CASZ1: variants seen among roughly 807,000 people sequenced by gnomAD.
CASZ1 encodes the protein castor zinc finger 1.
CASZ1 carries 28 observed loss-of-function variants against 135.2 expected under a neutral mutation model. The observed-to-expected ratio is 0.21, with a 90% confidence interval of 0.15 to 0.28. The LOEUF (loss-of-function observed/expected upper bound fraction) is 0.28, where lower values mean the gene tolerates loss of function less well. Among genes scored for constraint, CASZ1 ranks in the 10% least tolerant of loss-of-function variants. The pLI, the probability that CASZ1 is intolerant of heterozygous loss-of-function variation, is 1.00. For synonymous variants in CASZ1, 1,068 were observed against 1,073.4 expected (o/e 0.99, Z 0.10); for missense variants, 2,161 against 2,453.3 (o/e 0.88, Z 2.52).
Position 10,747,633 on chromosome 1 carries a change from C to A in CASZ1, c.-77+13068G>T, listed in dbSNP as rs79331519. Among the ~76,000 whole-genome samples the A allele has an allele frequency of 0.013, 2,025 of 152,214 alleles. 42 individuals are homozygous for A. Among genetic ancestry groups the A allele is most frequent in the African/African-American group, 0.041 (1,715 of 41,526 alleles). Reference sequence around the variant, plus strand: ...TGTGCAAGAAACGGGAAAGAACCTGCCTTGTGACATCAAAGGCTGACATCA... The same window carrying A: ...TGTGCAAGAAACGGGAAAGAACCTGACTTGTGACATCAAAGGCTGACATCA... On this transcript the variant is annotated intron_variant, in intron 2 of 20. Transcript: ENST00000377022. The surrounding 1 kb of genome is among the most constrained non-coding windows in gnomAD (Gnocchi z 4.3).
At position 10,711,822 on chromosome 1, in the gene CASZ1, C is replaced by A. The variant is rs1304153651; in HGVS notation, c.-76-6278G>T. ...AATGTTGAACGAGAAAGGAGCCAGA[C>A]AGACACAATAGGCCACAAGTTGTAT... On this transcript the variant is annotated intron_variant, in intron 2 of 20. Transcript: ENST00000377022. The surrounding 1 kb of genome is among the most constrained non-coding windows in gnomAD (Gnocchi z 4.4). Among the ~76,000 whole-genome samples the A allele has an allele frequency of 1.3e-5, 2 of 152,092 alleles. No homozygotes were observed. Among genetic ancestry groups the A allele is most frequent in the Non-Finnish European group, 2.9e-5 (2 of 68,008 alleles).
intron 11 of CASZ1, chr1:10,651,572 G>C (rs1642586535): frequency 6.6e-6 from 1 of 152,570 alleles, no homozygotes; most frequent in African/African-American, 2.4e-5. Flanking sequence ...TGGCCAATCA[G>C]AGCGGCCACA....
At chr1:10,645,223 C>T (rs1348514019) in intron 17 of CASZ1, 135 bp from the exon 18 acceptor site, 2 of 775,794 alleles carry the variant, frequency 2.6e-6, no homozygotes, top group East Asian at 2.7e-5. Context: ...ATAGAAACAC[C>T]TTTCACATGT....
At chr1:10,784,015 C>G (rs982639634) in intron 1 of CASZ1, among the ~76,000 whole-genome samples, 1 of 152,176 alleles carries the variant, frequency 6.6e-6, no homozygotes, top group Non-Finnish European at 1.5e-5. Flanking sequence ...CCCAGCGAGG[C>G]GGCACTGCTG....
intron 4 of CASZ1, among the ~76,000 whole-genome samples, chr1:10,667,407 C>T (rs957588219): frequency 5.3e-5 from 8 of 152,198 alleles, no homozygotes; most frequent in African/African-American, 1.4e-4. Context: ...GACACTTGCC[C>T]AAGCCGATGC....
In CASZ1 at chr1:10,692,414, G is replaced by A. The variant is rs944462470; in HGVS notation, c.16+1460C>T. ...TGGGATGGGTGGGGGCCCCATTTCC[G>A]AAGAAAGGGGGTGGGGCCTGAGAGG... On this transcript the variant is annotated intron_variant, in intron 4 of 20. Transcript: ENST00000377022. Among the ~76,000 whole-genome samples the A allele has an allele frequency of 9.2e-5, 14 of 152,170 alleles. No homozygotes were observed. The East Asian group carries it at 2.1e-3, about 23-fold the overall frequency.
rs1472856938 is a variant in CASZ1, at chr1:10,776,218, TA to T, written c.-233-15362del. ...AGCGTCTTGTATCCAGGGGAAGAGC[TA>T]AAATTAACATAGAGCGAGCAGTGTT... On this transcript the variant is annotated intron_variant, in intron 1 of 20. Coordinates refer to ENST00000377022, the MANE Select transcript of CASZ1 (RefSeq NM_001079843.3). The surrounding 1 kb of genome is among the most constrained non-coding windows in gnomAD (Gnocchi z 4.1). Among the ~76,000 whole-genome samples, 2 of 152,228 alleles carry T rather than the reference TA, an allele frequency of 1.3e-5. No homozygotes were observed. The highest frequency in any genetic ancestry group is 2.9e-5 in the Non-Finnish European group (2 of 68,040).
chr1:10,762,831 C>T lies in CASZ1; in HGVS notation c.-233-1974G>A, dbSNP rs1640403514. Among the ~76,000 whole-genome samples the T allele has an allele frequency of 6.6e-6, 1 of 152,326 alleles. No individual in the cohort carries two copies. Among genetic ancestry groups the T allele is most frequent in the African/African-American group, 2.4e-5 (1 of 41,580 alleles). ...GCTGACCACAGGCCAACGGTGAACACTCTCGGTGTTTCATGTCCTTGGCTC... is the reference window on the plus strand; with the variant it reads ...GCTGACCACAGGCCAACGGTGAACATTCTCGGTGTTTCATGTCCTTGGCTC... On this transcript the variant is annotated intron_variant, in intron 1 of 20. Transcript: ENST00000377022. The surrounding 1 kb of genome is among the most constrained non-coding windows in gnomAD (Gnocchi z 4.1).
Position 10,755,986 on chromosome 1 carries a change from A to T in CASZ1, c.-77+4715T>A, listed in dbSNP as rs2100565987. Among the ~76,000 whole-genome samples, 1 of 152,004 alleles carries T rather than the reference A, an allele frequency of 6.6e-6. No individual in the cohort carries two copies. The highest frequency in any genetic ancestry group is 6.6e-5 in the Admixed American group (1 of 15,266). The stretch of plus-strand genomic sequence containing the variant: ...GTCACGGATCTAGTGCAGACCATAG[A>T]GGCGGAAAGCAGAAAAACCTCCCAC... On this transcript the variant is annotated intron_variant, in intron 2 of 20. Transcript: ENST00000377022. This position sits in a 1 kb window ranked among gnomAD's most constrained non-coding sequence, Gnocchi z 4.3.
chr1:10,714,514 C>T lies in CASZ1; in HGVS notation c.-76-8970G>A, dbSNP rs1004233289. Among the ~76,000 whole-genome samples the T allele has an allele frequency of 2.6e-5, 4 of 152,316 alleles. No individual in the cohort carries two copies. In the East Asian group the frequency reaches 5.8e-4, roughly 22 times the overall value. On this transcript the variant is annotated intron_variant, in intron 2 of 20. Transcript: ENST00000377022. ...TCCCAGTGCTCCTGGCTCCGGCCCA[C>T]GAGGCTGGAGTGGCCACTGGTGCTG...
intron 2 of CASZ1, among the ~76,000 whole-genome samples, chr1:10,751,152 GA>G (rs1268599325): frequency 6.6e-6 from 1 of 152,056 alleles, no homozygotes; most frequent in Non-Finnish European, 1.5e-5. Context: ...GGCTAAAAGG[GA>G]ATAGGAAAGA....
In CASZ1 at chr1:10,774,319, C is replaced by G. The variant is rs1640625481; in HGVS notation, c.-233-13462G>C. 6.6e-6 allele frequency among the ~76,000 whole-genome samples: 1 copy of G among 152,144 alleles called. No homozygotes were observed. Among genetic ancestry groups the G allele is most frequent in the Non-Finnish European group, 1.5e-5 (1 of 68,014 alleles). On this transcript the variant is annotated intron_variant, in intron 1 of 20. Coordinates refer to ENST00000377022, the MANE Select transcript of CASZ1 (RefSeq NM_001079843.3). This position sits in a 1 kb window ranked among gnomAD's most constrained non-coding sequence, Gnocchi z 4.4. The stretch of plus-strand genomic sequence containing the variant: ...ATCTACCCCTTTTAAATGTTCTCAA[C>G]TCTGACTGCTTTCGGCAGCACACTG...
chr1:10,663,842 C>T (rs369910151), intron 5 of CASZ1, among the ~76,000 whole-genome samples: 9 of 152,344 alleles, frequency 5.9e-5, no homozygotes, highest in African/African-American at 2.2e-4. Context: ...CCGCCTCTGC[C>T]AGCCCCGCTC....
Position 10,676,307 on chromosome 1 carries a change from G to A in CASZ1, c.17-10736C>T, listed in dbSNP as rs1331671144. Among the ~76,000 whole-genome samples, 4 of 151,952 alleles carry A rather than the reference G, an allele frequency of 2.6e-5. No individual in the cohort carries two copies. Among genetic ancestry groups the A allele is most frequent in the African/African-American group, 7.3e-5 (3 of 41,344 alleles). ...GAAGCCCTGGGCTCCCGCTATTGTC[G>A]GCCACGTTGAGGGAGGGCCCCTGCC... is the stretch of plus-strand genomic sequence containing the variant. On this transcript the variant is annotated intron_variant, in intron 4 of 20. Transcript: ENST00000377022. This position sits in a 1 kb window ranked among gnomAD's most constrained non-coding sequence, Gnocchi z 4.5.
intron 4 of CASZ1, among the ~76,000 whole-genome samples, chr1:10,673,427 GA>G (rs1253223847): frequency 6.6e-6 from 1 of 152,076 alleles, no homozygotes; most frequent in African/African-American, 2.4e-5. Flanking sequence ...ATCCGCCAGG[GA>G]GGGGGAGGTT....
At chr1:10,655,956 T>C in intron 8 of CASZ1, 143 bp from the exon 9 acceptor site, 2 of 752,028 alleles carry the variant, frequency 2.7e-6, no homozygotes, top group Non-Finnish European at 4.4e-6. Flanking sequence ...GCCCAGATTG[T>C]CCAAGGCCAG....
At chr1:10,790,148 G>A (rs772071606) in intron 1 of CASZ1, among the ~76,000 whole-genome samples, 7 of 152,194 alleles carry the variant, frequency 4.6e-5, no homozygotes, top group African/African-American at 1.4e-4. Flanking sequence ...CCAGAACCAC[G>A]GCTGACTTCT....
intron 2 of CASZ1, among the ~76,000 whole-genome samples, chr1:10,731,932 A>G (rs978174995): frequency 6.6e-6 from 1 of 152,240 alleles, no homozygotes; most frequent in Non-Finnish European, 1.5e-5. Flanking sequence ...ATGTTAACAC[A>G]TCATGGACTT....
chr1:10,713,132 G>T (rs1398286926), intron 2 of CASZ1, among the ~76,000 whole-genome samples: 1 of 152,196 alleles, frequency 6.6e-6, no homozygotes, highest in East Asian at 1.9e-4. Flanking sequence ...TTCTTGACAG[G>T]GAGTCATTTA....
Sources: gnomAD v4.1 joint callset for allele counts (sites outside exome capture counted in the v4.1 genomes callset) on GRCh38, gnomAD v4.1.1 for gene constraint, Gnocchi (gnomAD v3.1) non-coding constraint, MANE v1.5 for transcripts, NCBI Gene and HGNC (gene_info 2026-07-23, HGNC 2026-07-21) for gene names.